MTCH2: variants seen among roughly 807,000 people sequenced by gnomAD.
MTCH2 encodes the protein mitochondrial carrier 2, also known as mitochondrial carrier homolog 2.
A neutral mutation model predicts 50.6 loss-of-function variants in MTCH2; 25 were observed. That is an observed-to-expected ratio of 0.49 (90% CI 0.36 to 0.69). The LOEUF is 0.69. MTCH2 is among the 30% of genes least tolerant of loss of function. The pLI is 0.00. For synonymous variants in MTCH2, 106 were observed against 132.0 expected (o/e 0.80, Z 1.35); for missense variants, 273 against 384.4 (o/e 0.71, Z 2.42).
At chr11:47,628,436 G>A (rs2097300015) in intron 9 of MTCH2, among the ~76,000 whole-genome samples, 1 of 152,256 alleles carries the variant, frequency 6.6e-6, no homozygotes, top group South Asian at 2.1e-4. Flanking sequence ...GACTTTTAAC[G>A]TGTATCGTTC....
the MTCH2 span, among the ~76,000 whole-genome samples, chr11:47,606,333 G>T: frequency 6.6e-6 from 1 of 152,194 alleles, no homozygotes; most frequent in Non-Finnish European, 1.5e-5. Context: ...TTCATCCCCA[G>T]ATGGAACCCT....
At chr11:47,608,513 G>GTCTC in the MTCH2 span, among the ~76,000 whole-genome samples, 1 of 152,266 alleles carries the variant, frequency 6.6e-6, no homozygotes, top group South Asian at 2.1e-4. Flanking sequence ...AAATAGCCCT[G>GTCTC]TCTCTCAGCT....
intron 11 of MTCH2, among the ~76,000 whole-genome samples, chr11:47,625,207 G>A (rs2097296861): frequency 6.6e-6 from 1 of 151,982 alleles, no homozygotes; most frequent in Admixed American, 6.6e-5. Context: ...GATCACTTGA[G>A]GTCAGGAGTT....
the MTCH2 span, among the ~76,000 whole-genome samples, chr11:47,611,022 T>TG: frequency 6.6e-6 from 1 of 152,242 alleles, no homozygotes; most frequent in African/African-American, 2.4e-5. Flanking sequence ...CTTCAACGAA[T>TG]ACCTTCTTTC....
At chr11:47,604,555 GGCTTGT>G in the MTCH2 span, among the ~76,000 whole-genome samples, 1 of 152,122 alleles carries the variant, frequency 6.6e-6, no homozygotes, top group Non-Finnish European at 1.5e-5. Flanking sequence ...ATTTTAGCAT[GGCTTGT>G]AATAGCAAAC....
intron 8 of MTCH2, among the ~76,000 whole-genome samples, chr11:47,630,039 AT>A (rs2097301607): frequency 6.6e-6 from 1 of 151,974 alleles, no homozygotes; most frequent in Admixed American, 6.6e-5. Flanking sequence ...AATTATTATT[AT>A]TTTTTTGAGA....
At chr11:47,639,333 G>A (rs563500376) in intron 1 of MTCH2, among the ~76,000 whole-genome samples, 63 of 152,304 alleles carry the variant, frequency 4.1e-4, no homozygotes, top group Non-Finnish European at 6.8e-4. Context: ...GAACTTTTGC[G>A]TTAGGAAAGC....
Position 47,618,369 on chromosome 11 carries a change from G to C in MTCH2, c.*464C>G, listed in dbSNP as rs1338978581. ...GTGCTTAGAAGCATAATGGGAGTCA[G>C]ATTCTGGTGCATGCTACTGACATTT... On this transcript the variant is annotated 3_prime_UTR_variant, in exon 13 of 13. Transcript: ENST00000302503. 1 of 213,106 alleles carries C rather than the reference G, an allele frequency of 4.7e-6. No homozygotes were observed. Among genetic ancestry groups the C allele is most frequent in the African/African-American group, 2.4e-5 (1 of 41,772 alleles). The allele number at this position is 213,106 out of a possible 1,614,324, so 13.2% of individuals were successfully genotyped here.
chr11:47,634,704 CTTCT>C lies in MTCH2; in HGVS notation c.333_336del (p.Glu112SerfsTer16), dbSNP rs2097306854. On this transcript the variant is annotated frameshift_variant, in exon 5 of 13. Transcript: ENST00000302503. LOFTEE classifies it high-confidence loss of function. ...ATAACGTGGTCAAAGGAAGATGAGA[CTTCT>C]TTCTGTACATTTCCAGGTCCTAACT... 1 of 1,608,952 alleles carries C rather than the reference CTTCT, an allele frequency of 6.2e-7. No homozygotes were observed. Among genetic ancestry groups the C allele is most frequent in the Admixed American group, 1.7e-5 (1 of 59,748 alleles).
chr11:47,622,812 A>C (rs1420956811), intron 11 of MTCH2, 36 bp from the exon 12 acceptor site: 1 of 990,350 alleles, frequency 1.0e-6, no homozygotes, highest in African/African-American at 2.8e-5. Flanking sequence ...ATTCATGTTA[A>C]TATTAACCAT....
At chr11:47,634,771 T>G (rs545408211) in intron 4 of MTCH2, 37 bp from the exon 5 acceptor site, 316 of 849,208 alleles carry the variant, frequency 3.7e-4, no homozygotes, top group Non-Finnish European at 4.6e-4. Flanking sequence ...AGATCTTGAT[T>G]TTTTTTTTTT....
the MTCH2 span, among the ~76,000 whole-genome samples, chr11:47,605,248 T>G: frequency 2.6e-5 from 4 of 152,126 alleles, no homozygotes; most frequent in Non-Finnish European, 5.9e-5. Context: ...TTTTTCACTG[T>G]TTCACCCCTT....
chr11:47,614,168 C>A (rs2097287042), downstream of MTCH2, among the ~76,000 whole-genome samples: 1 of 152,022 alleles, frequency 6.6e-6, no homozygotes, highest in South Asian at 2.1e-4. Context: ...AATAAAAATG[C>A]CTCGACTGGC....
rs1443576104 is a variant in MTCH2 at position 47,631,226 on chromosome 11, T to A, written c.428-139A>T. Reference sequence around the variant, plus strand: ...GAGTTCAAGACTAGCCTGACCAATATGATGAAGCCCCATCTCTACTAAAAA... The same window carrying A: ...GAGTTCAAGACTAGCCTGACCAATAAGATGAAGCCCCATCTCTACTAAAAA... On this transcript the variant is annotated intron_variant, in intron 6 of 12. Coordinates refer to ENST00000302503, the MANE Select transcript of MTCH2 (RefSeq NM_014342.4). 6.4e-6 allele frequency: 4 copies of A among 621,168 alleles called. No individual in the cohort carries two copies. The East Asian group carries it at 1.2e-4, about 18-fold the overall frequency. The allele number at this position is 621,168 out of a possible 1,614,324, so 38.5% of individuals were successfully genotyped here.
At chr11:47,640,006 T>C (rs893336930) in intron 1 of MTCH2, among the ~76,000 whole-genome samples, 1 of 152,126 alleles carries the variant, frequency 6.6e-6, no homozygotes, top group Non-Finnish European at 1.5e-5. Context: ...ATAGTTTTGA[T>C]TATTGTTGTG....
chr11:47,629,031 G>C lies in MTCH2; in HGVS notation c.555C>G (p.Arg185=). 4 of 1,613,682 alleles carry C rather than the reference G, an allele frequency of 2.5e-6. No homozygotes were observed. In the South Asian group the frequency reaches 4.4e-5, roughly 18 times the overall value. The change falls in exon 9 of 13, where the codon CGC becomes CGG. Residue 185 remains arginine (R), a synonymous_variant. Coordinates refer to ENST00000302503, the MANE Select transcript of MTCH2 (RefSeq NM_014342.4). ...ACAAAGAAAGGATGTCACCTAGAAG[G>C]CGAGGAACAAGACCCCTACATGAAG... ...ILGFFAGLVP[R]LLGDILSLWL...
chr11:47,637,485 A>G (rs1401462846), intron 3 of MTCH2, among the ~76,000 whole-genome samples: 1 of 152,166 alleles, frequency 6.6e-6, no homozygotes, highest in East Asian at 1.9e-4. Flanking sequence ...GATGGTTTCT[A>G]AAACAAGCAA....
chr11:47,634,044 T>C (rs368862642), intron 5 of MTCH2, among the ~76,000 whole-genome samples: 2 of 152,160 alleles, frequency 1.3e-5, no homozygotes, highest in Non-Finnish European at 2.9e-5. Context: ...TCTGCATAGA[T>C]ACTATCCAAC....
intron 4 of MTCH2, 35 bp from the exon 5 acceptor site, chr11:47,634,769 ATTTTTTT>A (rs139407275): frequency 1.1e-3 from 846 of 739,680 alleles, no homozygotes; most frequent in Non-Finnish European, 1.5e-3. Flanking sequence ...AGAGATCTTG[ATTTTTTT>A]TTTTTTTTTT....
Sources: allele counts gnomAD v4.1 joint callset (sites outside exome capture counted in the v4.1 genomes callset), GRCh38; gene constraint gnomAD v4.1.1; transcripts MANE v1.5; gene names NCBI Gene and HGNC (gene_info 2026-07-23, HGNC 2026-07-21).